NFIB: variants seen among roughly 807,000 people sequenced by gnomAD.
The protein encoded by NFIB is nuclear factor I B.
NFIB carries 11 observed loss-of-function variants against 61.5 expected under a neutral mutation model. The ratio of observed to expected loss-of-function variants is 0.18; its 90% CI spans 0.11 to 0.30. NFIB has a LOEUF of 0.30. Ranked by LOEUF, NFIB falls within the 10% of genes least tolerant of loss-of-function variation. The probability of loss-of-function intolerance (pLI) is 1.00; values close to 1 mark genes in which losing one functional copy is unlikely to be tolerated. For missense variants in NFIB, 471 were observed against 608.9 expected, an observed-to-expected ratio of 0.77 and a Z score of 2.38; for synonymous variants, 260 against 216.5, an observed-to-expected ratio of 1.20 and a Z score of -1.76.
chr9:14,366,229 C>A (rs781598722), intron 1 of NFIB, among the ~76,000 whole-genome samples: 1 of 152,130 alleles, frequency 6.6e-6, no homozygotes. Flanking sequence ...ATTACGCATA[C>A]CAGAAGACAC....
the NFIB span, among the ~76,000 whole-genome samples, chr9:14,483,242 A>G: frequency 2.0e-5 from 3 of 152,258 alleles, no homozygotes; most frequent in Admixed American, 2.0e-4. Context: ...TAACAGCAAA[A>G]TACATTTGGG....
chr9:14,137,462 C>T (rs913506584), intron 6 of NFIB, among the ~76,000 whole-genome samples: 18 of 152,176 alleles, frequency 1.2e-4, no homozygotes, highest in Admixed American at 3.3e-4. Context: ...ATGTTAATGA[C>T]GGCTTTGGAA....
the NFIB span, among the ~76,000 whole-genome samples, chr9:14,514,458 T>C: frequency 6.6e-6 from 1 of 152,148 alleles, no homozygotes; most frequent in Non-Finnish European, 1.5e-5. Context: ...AAAAAGATAT[T>C]CCTAGTATTC....
At chr9:14,524,260 T>C in the NFIB span, among the ~76,000 whole-genome samples, 1 of 152,186 alleles carries the variant, frequency 6.6e-6, no homozygotes. Context: ...AAGTGCCATA[T>C]AATACAGTAG....
chr9:14,184,433 G>C (rs1479034028), intron 2 of NFIB, among the ~76,000 whole-genome samples: 2 of 152,064 alleles, frequency 1.3e-5, no homozygotes, highest in Non-Finnish European at 2.9e-5. Context: ...TAAGTTGGAA[G>C]CAATTATTAG....
At chr9:14,421,582 A>T in the NFIB span, among the ~76,000 whole-genome samples, 2 of 152,260 alleles carry the variant, frequency 1.3e-5, no homozygotes, top group Non-Finnish European at 2.9e-5. Context: ...TTTCAATGTC[A>T]GTTATCTTAT....
intron 2 of NFIB, among the ~76,000 whole-genome samples, chr9:14,279,793 A>T (rs1446674242): frequency 6.6e-6 from 1 of 152,206 alleles, no homozygotes; most frequent in African/African-American, 2.4e-5. Flanking sequence ...CACTTACCAT[A>T]AAGCTCCCAA....
intron 2 of NFIB, among the ~76,000 whole-genome samples, chr9:14,181,691 C>T (rs1363326351): frequency 6.6e-6 from 1 of 152,182 alleles, no homozygotes; most frequent in Non-Finnish European, 1.5e-5. Flanking sequence ...AGTTTAATTT[C>T]TCAAGCGATT....
upstream of NFIB, among the ~76,000 whole-genome samples, chr9:14,400,062 G>A (rs75965067): frequency 0.015 from 2,324 of 151,562 alleles, 50 homozygotes; most frequent in African/African-American, 0.054. Flanking sequence ...AGTAAGTCCT[G>A]GACTTTAAAA....
In NFIB at chr9:14,292,989, G is replaced by C. The variant is rs540143666; in HGVS notation, c.562+14000C>G. On this transcript the variant is annotated intron_variant, in intron 2 of 10. Transcript: ENST00000380953. ...AGAAAGAATAGAGTAAATCTAAATT[G>C]TATATTTTCATTCCTTCTAAAAGGA... is the stretch of plus-strand genomic sequence containing the variant. Among the ~76,000 whole-genome samples the C allele has an allele frequency of 9.2e-5, 14 of 152,272 alleles. No homozygotes were observed. The South Asian group carries it at 2.9e-3, about 32-fold the overall frequency.
intron 2 of NFIB, among the ~76,000 whole-genome samples, chr9:14,248,122 T>TG (rs1202661595): frequency 1.3e-5 from 2 of 151,098 alleles, no homozygotes; most frequent in African/African-American, 4.9e-5. Context: ...TTTGTAGAGA[T>TG]GGGGTCTCCC....
the NFIB span, among the ~76,000 whole-genome samples, chr9:14,481,982 C>T: frequency 6.6e-6 from 1 of 152,052 alleles, no homozygotes; most frequent in Non-Finnish European, 1.5e-5. Flanking sequence ...ACCTCTGAAG[C>T]CCTTGAAAGT....
chr9:14,412,515 TCTC>T, the NFIB span, among the ~76,000 whole-genome samples: 1 of 152,216 alleles, frequency 6.6e-6, no homozygotes. Context: ...GGTTCATTCT[TCTC>T]CTGCTGCTGC....
chr9:14,524,257 A>G, the NFIB span, among the ~76,000 whole-genome samples: 5 of 152,204 alleles, frequency 3.3e-5, no homozygotes, highest in African/African-American at 9.6e-5. Context: ...AATAAGTGCC[A>G]TATAATACAG....
At chr9:14,328,545 A>T (rs2060782599) in intron 1 of NFIB, among the ~76,000 whole-genome samples, 2 of 151,990 alleles carry the variant, frequency 1.3e-5, no homozygotes, top group African/African-American at 4.8e-5. Flanking sequence ...TGAACAATTA[A>T]CAAGATAAAA....
the NFIB span, among the ~76,000 whole-genome samples, chr9:14,503,481 T>C: frequency 6.6e-6 from 1 of 152,150 alleles, no homozygotes; most frequent in Non-Finnish European, 1.5e-5. Flanking sequence ...TTTTTGATTA[T>C]GGGCATTCTG....
At chr9:14,292,217 G>A (rs543189083) in intron 2 of NFIB, among the ~76,000 whole-genome samples, 3 of 152,048 alleles carry the variant, frequency 2.0e-5, no homozygotes, top group Non-Finnish European at 4.4e-5. Flanking sequence ...CGCATCCAAA[G>A]AAGCACTGGG....
At chr9:14,103,143 G>A (rs959775567) in intron 10 of NFIB, among the ~76,000 whole-genome samples, 3 of 152,120 alleles carry the variant, frequency 2.0e-5, no homozygotes, top group African/African-American at 7.2e-5. Flanking sequence ...TACTACATCT[G>A]AAGAAAGTGA....
intron 2 of NFIB, among the ~76,000 whole-genome samples, chr9:14,183,971 A>G (rs2047076474): frequency 6.6e-6 from 1 of 152,206 alleles, no homozygotes; most frequent in Admixed American, 6.5e-5. Context: ...CTTCTTCTCC[A>G]GGTTAAAGAT....
Sources: allele counts gnomAD v4.1 joint callset (sites outside exome capture counted in the v4.1 genomes callset), GRCh38; gene constraint gnomAD v4.1.1; transcripts MANE v1.5; gene names NCBI Gene and HGNC (gene_info 2026-07-23, HGNC 2026-07-21).